The following MAPK10 variants were observed in gnomAD, a reference collection of about 807,000 sequenced individuals.
The protein encoded by MAPK10 is mitogen-activated protein kinase 10, also known as JNK3 alpha protein kinase.
MAPK10 carries 25 observed loss-of-function variants against 59.3 expected under a neutral mutation model. That is an observed-to-expected ratio of 0.42 (90% CI 0.31 to 0.59). The LOEUF (loss-of-function observed/expected upper bound fraction) is 0.59. MAPK10 is among the 20% of genes least tolerant of loss of function. The pLI, the probability that MAPK10 is intolerant of heterozygous loss-of-function variation, is 0.15. For synonymous variants in MAPK10, 190 were observed against 200.5 expected (o/e 0.95, Z 0.44); for missense variants, 351 against 568.9 (o/e 0.62, Z 3.90).
chr4:86,399,468 T>A (rs766476297), intron 1 of MAPK10, among the ~76,000 whole-genome samples: 3 of 152,210 alleles, frequency 2.0e-5, no homozygotes, highest in Non-Finnish European at 2.9e-5. Flanking sequence ...TTTTTGTTTG[T>A]CAAGTTCTTA....
At chr4:86,451,406 T>C (rs1750703712) in intron 1 of MAPK10, among the ~76,000 whole-genome samples, 1 of 152,182 alleles carries the variant, frequency 6.6e-6, no homozygotes, top group Non-Finnish European at 1.5e-5. Context: ...TGTTTTAGAC[T>C]AGCATGGTAA....
In MAPK10 at chr4:86,319,194, G is replaced by A. The variant is rs2095844696; in HGVS notation, c.-7+35336C>T. Among the ~76,000 whole-genome samples, 4 of 152,152 alleles carry A rather than the reference G, an allele frequency of 2.6e-5. 1 individual carries two copies. The South Asian group carries it at 6.2e-4, about 24-fold the overall frequency. On this transcript the variant is annotated intron_variant, in intron 2 of 13. Transcript: ENST00000641462. ...AGAGACAAGTAAGGTGGACCTGGGA[G>A]GTGAGAACTAGGGAACACAAGAGAA...
intron 1 of MAPK10, among the ~76,000 whole-genome samples, chr4:86,391,659 C>T (rs1742201919): frequency 6.6e-6 from 1 of 152,124 alleles, no homozygotes; most frequent in South Asian, 2.1e-4. Context: ...CATGAAATTC[C>T]TGCATTGACT....
intron 1 of MAPK10, among the ~76,000 whole-genome samples, chr4:86,552,434 A>C (rs1366831696): frequency 1.2e-5 from 1 of 81,212 alleles, no homozygotes; most frequent in African/African-American, 4.9e-5. Context: ...GAGAGGAAGG[A>C]AGGAAGGAAG....
chr4:86,414,990 T>A (rs62308365), intron 1 of MAPK10, among the ~76,000 whole-genome samples: 43,826 of 151,702 alleles, frequency 0.29, 6,505 homozygotes, highest in Admixed American at 0.33. Flanking sequence ...ATAAAAAAAT[T>A]AGCCAGGTGT....
At chr4:86,137,443 A>G (rs1389636831) in intron 4 of MAPK10, among the ~76,000 whole-genome samples, 2 of 137,482 alleles carry the variant, frequency 1.5e-5, no homozygotes, top group Non-Finnish European at 3.1e-5. Context: ...TACTGGGTAC[A>G]TAACGAAATG....
At chr4:86,557,343 C>T (rs1760347198) in intron 1 of MAPK10, among the ~76,000 whole-genome samples, 1 of 151,948 alleles carries the variant, frequency 6.6e-6, no homozygotes, top group Non-Finnish European at 1.5e-5. Flanking sequence ...TACAGCCCAA[C>T]CCAAGGCAAA....
chr4:86,577,159 T>A (rs1761962934), intron 1 of MAPK10, among the ~76,000 whole-genome samples: 1 of 151,762 alleles, frequency 6.6e-6, no homozygotes, highest in Non-Finnish European at 1.5e-5. Context: ...CTACAAAAAA[T>A]AATTGGCCGG....
chr4:86,513,370 A>C (rs1329698867), intron 1 of MAPK10, among the ~76,000 whole-genome samples: 2 of 152,182 alleles, frequency 1.3e-5, no homozygotes, highest in African/African-American at 2.4e-5. Flanking sequence ...TAGTCCACCT[A>C]GTAGATGACT....
intron 4 of MAPK10, among the ~76,000 whole-genome samples, chr4:86,113,917 A>T (rs2057922327): frequency 6.6e-6 from 1 of 151,936 alleles, no homozygotes; most frequent in Non-Finnish European, 1.5e-5. Context: ...ATTCCTTTTC[A>T]TTCTTTTTTC....
chr4:86,150,714 TAGC>T (rs2066221277), intron 4 of MAPK10, among the ~76,000 whole-genome samples: 1 of 152,012 alleles, frequency 6.6e-6, no homozygotes, highest in Non-Finnish European at 1.5e-5. Context: ...ACAAAAAAAT[TAGC>T]AGGGCGTGGC....
At chr4:86,437,502 G>T (rs1464698020) in intron 1 of MAPK10, among the ~76,000 whole-genome samples, 1 of 152,088 alleles carries the variant, frequency 6.6e-6, no homozygotes, top group Non-Finnish European at 1.5e-5. Flanking sequence ...TTTATAGGCT[G>T]CTAGATTCTA....
At chr4:86,377,135 T>G (rs1430666609) in intron 1 of MAPK10, among the ~76,000 whole-genome samples, 2 of 152,178 alleles carry the variant, frequency 1.3e-5, no homozygotes, top group Admixed American at 6.5e-5. Flanking sequence ...ATTAAAGAAG[T>G]CTTTCATGAA....
intron 1 of MAPK10, among the ~76,000 whole-genome samples, chr4:86,416,933 T>C (rs1745933566): frequency 6.6e-6 from 1 of 152,208 alleles, no homozygotes; most frequent in African/African-American, 2.4e-5. Flanking sequence ...GCTGGAATTG[T>C]CACATAGGTG....
chr4:86,089,930 T>C (rs2052750360), intron 9 of MAPK10, among the ~76,000 whole-genome samples: 1 of 152,122 alleles, frequency 6.6e-6, no homozygotes, highest in South Asian at 2.1e-4. Flanking sequence ...GCTTTCAAAA[T>C]GGGATCGCTC....
chr4:86,081,890 A>G (rs926240573), intron 9 of MAPK10: 29 of 149,744 alleles, frequency 1.9e-4, no homozygotes, highest in South Asian at 4.2e-4. Flanking sequence ...AAAAAAAAAA[A>G]CAGTAAAATC....
intron 1 of MAPK10, among the ~76,000 whole-genome samples, chr4:86,568,832 T>C (rs907172007): frequency 6.6e-6 from 1 of 152,012 alleles, no homozygotes; most frequent in Non-Finnish European, 1.5e-5. Flanking sequence ...CACCTGAAAC[T>C]ATAAAAATCC....
intron 2 of MAPK10, chr4:86,219,703 A>C (rs1348435487): frequency 6.6e-6 from 1 of 152,130 alleles, no homozygotes; most frequent in East Asian, 1.9e-4. Context: ...ACAGTAACAT[A>C]AATTAGTAGA....
At chr4:86,160,029 T>A (rs920928586) in intron 3 of MAPK10, among the ~76,000 whole-genome samples, 1 of 152,076 alleles carries the variant, frequency 6.6e-6, no homozygotes, top group Non-Finnish European at 1.5e-5. Flanking sequence ...ACAAATGCTA[T>A]TGTTCTGAAT....
Sources: allele counts gnomAD v4.1 joint callset (sites outside exome capture counted in the v4.1 genomes callset), GRCh38; gene constraint gnomAD v4.1.1; transcripts MANE v1.5; gene names NCBI Gene and HGNC (gene_info 2026-07-23, HGNC 2026-07-21).